Variants in TRHDE observed in about 807,000 individuals in gnomAD.
TRHDE encodes the protein thyrotropin-releasing hormone-degrading ectoenzyme.
TRHDE carries 72 observed loss-of-function variants against 125.7 expected under a neutral mutation model. The observed-to-expected ratio is 0.57, with a 90% CI of 0.47 to 0.70. The LOEUF (loss-of-function observed/expected upper bound fraction) is 0.70. Ranked by LOEUF, TRHDE falls within the 30% of genes least tolerant of loss-of-function variation. TRHDE has a pLI of 0.00. For missense variants in TRHDE, 1,110 were observed against 1,327.1 expected (o/e 0.84, Z 2.54); for synonymous variants, 509 against 509.1 (o/e 1.00, Z 0.00).
intron 3 of TRHDE, among the ~76,000 whole-genome samples, chr12:72,466,145 C>T (rs1282288457): frequency 6.6e-6 from 1 of 152,146 alleles, no homozygotes; most frequent in African/African-American, 2.4e-5. Context: ...TCACCGGCCT[C>T]CAATTGTTTC....
chr12:72,653,273 C>A, intron 17 of TRHDE, 117 bp downstream of exon 17: 1 of 728,406 alleles, frequency 1.4e-6, no homozygotes, highest in Non-Finnish European at 2.0e-6. Context: ...TTAAAATATT[C>A]AACCAAGATA....
intron 2 of TRHDE, among the ~76,000 whole-genome samples, chr12:72,360,155 A>G (rs1220806960): frequency 6.6e-6 from 1 of 151,798 alleles, no homozygotes; most frequent in African/African-American, 2.4e-5. Flanking sequence ...TTAGAAGAAA[A>G]CAAAGAACAT....
At chr12:72,521,051 C>T (rs7295506) in intron 6 of TRHDE, among the ~76,000 whole-genome samples, 36,035 of 152,084 alleles carry the variant, frequency 0.24, 5,782 homozygotes, top group East Asian at 0.47. Flanking sequence ...GCTCAACCTT[C>T]CTGAATCCAA....
At chr12:72,507,704 G>T (rs1878410265) in intron 6 of TRHDE, among the ~76,000 whole-genome samples, 1 of 152,222 alleles carries the variant, frequency 6.6e-6, no homozygotes, top group Non-Finnish European at 1.5e-5. Context: ...GAATTCAAGT[G>T]GGTTGTAGAA....
At chr12:72,236,258 A>G (rs1046793423) in intron 2 of TRHDE, among the ~76,000 whole-genome samples, 3 of 152,244 alleles carry the variant, frequency 2.0e-5, no homozygotes, top group Admixed American at 6.5e-5. Flanking sequence ...CAGCTATACT[A>G]TGAAAACAAG....
rs985009022 is a variant in TRHDE at position 72,665,311 on chromosome 12, A to G, written c.*2116A>G. ...CTTTTATAGTTGTATTTTCCTCCTCACTGTTAATAATCATAATCCTTTTTC... is the reference window on the plus strand; with the variant it reads ...CTTTTATAGTTGTATTTTCCTCCTCGCTGTTAATAATCATAATCCTTTTTC... On this transcript the variant is annotated 3_prime_UTR_variant, in exon 19 of 19. Coordinates refer to ENST00000261180, the MANE Select transcript of TRHDE (RefSeq NM_013381.3). 4.6e-5 allele frequency: 7 copies of G among 152,396 alleles called. No individual in the cohort carries two copies. Among genetic ancestry groups the G allele is most frequent in the African/African-American group, 1.7e-4 (7 of 41,424 alleles). The allele number at this position is 152,396 out of a possible 1,614,324, so 9.4% of individuals were successfully genotyped here.
intron 2 of TRHDE, among the ~76,000 whole-genome samples, chr12:72,372,170 T>G (rs1277309523): frequency 1.3e-5 from 2 of 152,170 alleles, no homozygotes; most frequent in Non-Finnish European, 2.9e-5. Flanking sequence ...TCATGTGTCT[T>G]TTGGCTGCAT....
intron 3 of TRHDE, among the ~76,000 whole-genome samples, chr12:72,398,924 C>T (rs1182747550): frequency 1.3e-5 from 2 of 152,164 alleles, no homozygotes; most frequent in Non-Finnish European, 2.9e-5. Context: ...AGGCAGGGTT[C>T]CCCAACCCCC....
intron 2 of TRHDE, among the ~76,000 whole-genome samples, chr12:72,187,361 A>ACACG (rs1664257256): frequency 7.0e-6 from 1 of 143,070 alleles, no homozygotes; most frequent in Non-Finnish European, 1.5e-5. Context: ...ACACACACAC[A>ACACG]CGAAGTCTCT....
chr12:72,645,680 T>C (rs1418708100), intron 15 of TRHDE, among the ~76,000 whole-genome samples: 1 of 151,968 alleles, frequency 6.6e-6, no homozygotes, highest in Admixed American at 6.6e-5. Flanking sequence ...TATAATTAAA[T>C]TGGCAAAAGT....
intron 3 of TRHDE, among the ~76,000 whole-genome samples, chr12:72,407,113 A>G (rs1325774562): frequency 6.6e-6 from 1 of 152,128 alleles, no homozygotes; most frequent in Admixed American, 6.5e-5. Context: ...TGCTCTGTGG[A>G]GAGTTTCTAT....
intron 6 of TRHDE, among the ~76,000 whole-genome samples, chr12:72,505,150 G>A (rs1052768193): frequency 6.6e-6 from 1 of 152,040 alleles, no homozygotes; most frequent in Non-Finnish European, 1.5e-5. Context: ...GAAATACTGA[G>A]TAATGTTCAA....
chr12:72,618,414 T>C (rs1872908273), intron 12 of TRHDE, among the ~76,000 whole-genome samples: 1 of 152,284 alleles, frequency 6.6e-6, no homozygotes, highest in African/African-American at 2.4e-5. Flanking sequence ...AATATTGTAA[T>C]CTAACAAACA....
chr12:72,169,862 C>G (rs1364480480), intron 2 of TRHDE, among the ~76,000 whole-genome samples: 1 of 152,096 alleles, frequency 6.6e-6, no homozygotes, highest in Non-Finnish European at 1.5e-5. Flanking sequence ...TTAGGGGACA[C>G]AGTTCAGTCC....
chr12:72,138,719 C>T (rs1231137748), intron 2 of TRHDE, among the ~76,000 whole-genome samples: 2 of 152,184 alleles, frequency 1.3e-5, no homozygotes, highest in African/African-American at 2.4e-5. Context: ...GGAGTCGTGA[C>T]CATATTCCTC....
intron 3 of TRHDE, among the ~76,000 whole-genome samples, chr12:72,417,147 C>G (rs895542307): frequency 1.3e-5 from 2 of 151,786 alleles, no homozygotes; most frequent in East Asian, 3.9e-4. Flanking sequence ...AGATTACTTT[C>G]TTGGTTTCTT....
chr12:72,581,402 G>A (rs1313037666), intron 12 of TRHDE, among the ~76,000 whole-genome samples: 1 of 152,044 alleles, frequency 6.6e-6, no homozygotes, highest in Non-Finnish European at 1.5e-5. Flanking sequence ...AAAATTATTT[G>A]GAAAATTGTG....
rs1270760721 is a variant in TRHDE at position 72,663,770 on chromosome 12, G to A, written c.*575G>A. 6.6e-6 allele frequency: 1 copy of A among 152,356 alleles called. No homozygotes were observed. The highest frequency in any genetic ancestry group is 1.9e-4 in the East Asian group (1 of 5,166). The allele number at this position is 152,356 out of a possible 1,614,324, so 9.4% of individuals were successfully genotyped here. A position where few individuals can be genotyped will look rare whatever the true frequency, so the allele number is the denominator to read the frequency against. Reference sequence around the variant, plus strand: ...GACATGATGAACATCACTTATTTCAGCACTTGGATTGTCTGGCAATGATTA... The same window carrying A: ...GACATGATGAACATCACTTATTTCAACACTTGGATTGTCTGGCAATGATTA... On this transcript the variant is annotated 3_prime_UTR_variant, in exon 19 of 19. Transcript: ENST00000261180.
chr12:72,113,664 C>T (rs1212400457), intron 2 of TRHDE, among the ~76,000 whole-genome samples: 1 of 151,864 alleles, frequency 6.6e-6, no homozygotes, highest in African/African-American at 2.4e-5. Context: ...TCTAGGGACC[C>T]ACCAAGAGTC....
Sources: gnomAD v4.1 joint callset for allele counts (sites outside exome capture counted in the v4.1 genomes callset) on GRCh38, gnomAD v4.1.1 for gene constraint, MANE v1.5 for transcripts, NCBI Gene and HGNC (gene_info 2026-07-23, HGNC 2026-07-21) for gene names.